The following PSD3 variants were observed in gnomAD, a reference collection of about 807,000 sequenced individuals.
The protein encoded by PSD3 is PH and SEC7 domain-containing protein 3.
PSD3 carries 49 observed loss-of-function variants against 105.5 expected under a neutral mutation model. The ratio of observed to expected loss-of-function variants is 0.46; its 90% CI spans 0.37 to 0.59. PSD3 has a LOEUF of 0.59. Among genes scored for constraint, PSD3 ranks in the 20% least tolerant of loss-of-function variants. The probability of loss-of-function intolerance (pLI) is 0.00; values close to 1 mark genes in which losing one functional copy is unlikely to be tolerated. For synonymous variants in PSD3, 557 were observed against 457.8 expected (o/e 1.22, Z -2.77); for missense variants, 1,561 against 1,263.8 (o/e 1.24, Z -3.57).
chr8:18,984,941 T>C (rs1825427694), intron 1 of PSD3, among the ~76,000 whole-genome samples: 1 of 152,114 alleles, frequency 6.6e-6, no homozygotes, highest in African/African-American at 2.4e-5. Flanking sequence ...CTTTTTTGTT[T>C]TGGCGGTGGG....
intron 6 of PSD3, among the ~76,000 whole-genome samples, chr8:18,801,687 G>A (rs1026558585): frequency 9.2e-5 from 14 of 152,004 alleles, no homozygotes; most frequent in Admixed American, 2.0e-4. Context: ...AAAATTAGCC[G>A]GGCATGGTGG....
At chr8:18,948,582 G>A (rs949300007) in intron 1 of PSD3, among the ~76,000 whole-genome samples, 2 of 152,124 alleles carry the variant, frequency 1.3e-5, no homozygotes, top group Non-Finnish European at 2.9e-5. Flanking sequence ...CACACGAAGT[G>A]TTCAATAAAT....
intron 1 of PSD3, among the ~76,000 whole-genome samples, chr8:18,963,117 A>G (rs1411349006): frequency 6.6e-6 from 1 of 152,156 alleles, no homozygotes; most frequent in Non-Finnish European, 1.5e-5. Flanking sequence ...GGAAGATGCA[A>G]AAGTGGAAAC....
intron 13 of PSD3, 49 bp from the exon 14 acceptor site, chr8:18,572,721 G>A: frequency 6.3e-7 from 1 of 1,578,372 alleles, no homozygotes; most frequent in Admixed American, 1.7e-5. Flanking sequence ...TGTCTAAGTA[G>A]CATCACACTT....
chr8:19,079,136 G>A (rs1829559975), intron 1 of PSD3, among the ~76,000 whole-genome samples: 1 of 152,060 alleles, frequency 6.6e-6, no homozygotes, highest in Non-Finnish European at 1.5e-5. Flanking sequence ...ATGGGGTAAG[G>A]AGAGAAAAAG....
At chr8:19,036,228 A>G (rs1827939606) in intron 1 of PSD3, among the ~76,000 whole-genome samples, 1 of 152,084 alleles carries the variant, frequency 6.6e-6, no homozygotes, top group African/African-American at 2.4e-5. Context: ...TTGCTTGTGG[A>G]GAGCTTTAGA....
chr8:18,826,330 T>C (rs764399027), intron 4 of PSD3, among the ~76,000 whole-genome samples: 42 of 152,204 alleles, frequency 2.8e-4, no homozygotes, highest in Non-Finnish European at 5.1e-4. Flanking sequence ...TCATGATAGA[T>C]AGATAGCACC....
At chr8:18,844,611 A>C (rs1292756894) in intron 4 of PSD3, among the ~76,000 whole-genome samples, 1 of 152,214 alleles carries the variant, frequency 6.6e-6, no homozygotes, top group East Asian at 1.9e-4. Context: ...AAAAAAAATC[A>C]GACTAGAACA....
intron 1 of PSD3, among the ~76,000 whole-genome samples, chr8:19,026,152 C>T (rs750684541): frequency 1.4e-4 from 21 of 152,184 alleles, no homozygotes; most frequent in African/African-American, 2.2e-4. Context: ...TTGCCTCCTA[C>T]TGGGTCCCTC....
Position 18,756,554 on chromosome 8 carries a change from T to A in PSD3, c.2172+8895A>T, listed in dbSNP as rs139017297. 1.2e-4 allele frequency among the ~76,000 whole-genome samples: 16 copies of A among 138,480 alleles called. No individual in the cohort carries two copies. The East Asian group carries it at 3.8e-3, about 33-fold the overall frequency. The allele number at this position is 138,480 out of a possible 152,430, so 90.8% of individuals were successfully genotyped here. A position where few individuals can be genotyped will look rare whatever the true frequency, so the allele number is the denominator to read the frequency against. On this transcript the variant is annotated intron_variant, in intron 9 of 15. Coordinates refer to ENST00000327040, the MANE Select transcript of PSD3 (RefSeq NM_015310.4). Reference sequence around the variant, plus strand: ...AATGCGATTTGGATTCAAAATGACGTTAAGAAAATGCCCAGCACTTAGACT... The same window carrying A: ...AATGCGATTTGGATTCAAAATGACGATAAGAAAATGCCCAGCACTTAGACT...
At chr8:18,928,586 G>C (rs956525164) in intron 2 of PSD3, among the ~76,000 whole-genome samples, 4 of 152,168 alleles carry the variant, frequency 2.6e-5, no homozygotes, top group African/African-American at 9.7e-5. Flanking sequence ...TTTATATGAA[G>C]TGTCCAGAAT....
intron 9 of PSD3, among the ~76,000 whole-genome samples, chr8:18,740,890 G>C (rs1049353393): frequency 2.6e-5 from 4 of 152,116 alleles, no homozygotes; most frequent in Non-Finnish European, 5.9e-5. Context: ...ACTTCCACTA[G>C]ACTTTCCCAG....
chr8:18,611,304 G>A (rs1805247640), intron 11 of PSD3, among the ~76,000 whole-genome samples: 2 of 151,170 alleles, frequency 1.3e-5, no homozygotes, highest in African/African-American at 4.9e-5. Flanking sequence ...TGTACAGTAT[G>A]TTAGCAGGAA....
chr8:18,739,290 A>G (rs10503631), intron 9 of PSD3, among the ~76,000 whole-genome samples: 5,308 of 152,280 alleles, frequency 0.035, 216 homozygotes, highest in East Asian at 0.15. Context: ...GTGGAAGAAA[A>G]AGAGTAAGCT....
At chr8:19,041,171 G>A (rs2063075) in intron 1 of PSD3, among the ~76,000 whole-genome samples, 107,786 of 152,078 alleles carry the variant, frequency 0.71, 38,880 homozygotes, top group African/African-American at 0.86. Context: ...TGCTGGTACT[G>A]CAGGTGTAAG....
chr8:18,591,397 G>A (rs1479357632), intron 12 of PSD3, among the ~76,000 whole-genome samples: 1 of 152,222 alleles, frequency 6.6e-6, no homozygotes. Context: ...ACAAAGGAAA[G>A]TGGTGGGTGG....
intron 9 of PSD3, among the ~76,000 whole-genome samples, chr8:18,684,386 C>A (rs1563169574): frequency 6.6e-6 from 1 of 152,138 alleles, no homozygotes; most frequent in South Asian, 2.1e-4. Flanking sequence ...AATAGAGATA[C>A]CACAAATAAA....
intron 1 of PSD3, among the ~76,000 whole-genome samples, chr8:18,943,010 A>G (rs1355288859): frequency 6.6e-6 from 1 of 152,178 alleles, no homozygotes; most frequent in Admixed American, 6.5e-5. Flanking sequence ...CAAAGTTGTA[A>G]AAGGAGGTGA....
chr8:18,733,763 T>C (rs1176689749), intron 9 of PSD3: 1 of 152,660 alleles, frequency 6.6e-6, no homozygotes, highest in African/African-American at 2.4e-5. Context: ...CAGCTACAGA[T>C]GTTAATCCTC....
Sources: gnomAD v4.1 joint callset for allele counts (sites outside exome capture counted in the v4.1 genomes callset) on GRCh38, gnomAD v4.1.1 for gene constraint, MANE v1.5 for transcripts, NCBI Gene and HGNC (gene_info 2026-07-23, HGNC 2026-07-21) for gene names.